Variants in CSMD2 observed in about 807,000 individuals in gnomAD.
CSMD2 encodes CUB and Sushi multiple domains 2.
In CSMD2, 130 loss-of-function variants were observed where a neutral mutation model predicts 398.5. That is an observed-to-expected ratio of 0.33 (90% CI 0.28 to 0.38). CSMD2 has a LOEUF of 0.38. CSMD2 is among the 10% of genes least tolerant of loss of function. The pLI, the probability that CSMD2 is intolerant of heterozygous loss-of-function variation, is 1.00. For synonymous variants in CSMD2, 1,828 were observed against 1,908.5 expected, an observed-to-expected ratio of 0.96 and a Z score of 1.10; for missense variants, 3,829 against 4,764.9, an observed-to-expected ratio of 0.80 and a Z score of 5.78.
At chr1:33,922,832 C>T (rs1643991499) in intron 4 of CSMD2, among the ~76,000 whole-genome samples, 1 of 152,142 alleles carries the variant, frequency 6.6e-6, no homozygotes, top group African/African-American at 2.4e-5. Context: ...TGTCACACTC[C>T]AAGTTAACCA....
At chr1:34,129,072 G>A (rs920550951) in intron 1 of CSMD2, among the ~76,000 whole-genome samples, 7 of 150,620 alleles carry the variant, frequency 4.6e-5, no homozygotes, top group African/African-American at 1.7e-4. Context: ...TCTTTAGTAC[G>A]TGGCTGCATG....
At chr1:34,127,015 C>T (rs942216262) in intron 1 of CSMD2, among the ~76,000 whole-genome samples, 18 of 151,974 alleles carry the variant, frequency 1.2e-4, no homozygotes, top group Middle Eastern at 3.4e-3. Context: ...CAGGGAGATG[C>T]AAGAGGACAG....
rs1169977873 is a variant in CSMD2, at chr1:33,742,079, G to A, written c.2173+1201C>T. ...GCAGCATGGTCAGTGCTAGACTAGG[G>A]TTAGGAAAGACAGAACTAGGATCTC... is the stretch of plus-strand genomic sequence containing the variant. On this transcript the variant is annotated intron_variant, in intron 14 of 70. Transcript: ENST00000373381. Among the ~76,000 whole-genome samples the A allele has an allele frequency of 4.6e-5, 7 of 152,232 alleles. No individual in the cohort carries two copies. The South Asian group carries it at 1.2e-3, about 27-fold the overall frequency.
At chr1:33,742,993 T>C (rs1214590300) in intron 14 of CSMD2, among the ~76,000 whole-genome samples, 1 of 152,074 alleles carries the variant, frequency 6.6e-6, no homozygotes, top group African/African-American at 2.4e-5. Context: ...TGGGGAAGGT[T>C]GGGGCAAAAA....
intron 13 of CSMD2, among the ~76,000 whole-genome samples, chr1:33,766,860 C>T (rs1183507160): frequency 6.6e-6 from 1 of 152,082 alleles, no homozygotes; most frequent in Non-Finnish European, 1.5e-5. Context: ...ATGGAAAGAC[C>T]ATACGTTTTG....
intron 5 of CSMD2, among the ~76,000 whole-genome samples, chr1:33,901,953 G>A (rs1274744428): frequency 1.3e-5 from 2 of 152,068 alleles, no homozygotes; most frequent in Non-Finnish European, 2.9e-5. Flanking sequence ...TTATCACTCT[G>A]GAAAGTATTC....
intron 67 of CSMD2, among the ~76,000 whole-genome samples, chr1:33,521,758 G>C (rs1654325478): frequency 6.6e-6 from 1 of 152,202 alleles, no homozygotes; most frequent in South Asian, 2.1e-4. Context: ...TATGAGGTAG[G>C]AGGAAGATTT....
upstream of CSMD2, chr1:34,165,780 A>G (rs201573791): frequency 6.2e-7 from 1 of 1,613,890 alleles, no homozygotes; most frequent in African/African-American, 1.3e-5. Context: ...TGAACTTGCC[A>G]TCTAGGGCCG....
chr1:33,948,073 C>T (rs1644892810), intron 3 of CSMD2, among the ~76,000 whole-genome samples: 1 of 152,136 alleles, frequency 6.6e-6, no homozygotes, highest in Non-Finnish European at 1.5e-5. Flanking sequence ...TGCTTTGAGG[C>T]TTTGTTTCCT....
intron 3 of CSMD2, among the ~76,000 whole-genome samples, chr1:33,976,361 C>T (rs74068629): frequency 0.017 from 2,602 of 152,298 alleles, 88 homozygotes; most frequent in African/African-American, 0.058. Flanking sequence ...ATCTCAGAAC[C>T]CACCTGGGGA....
At chr1:33,789,138 TC>T (rs1653914110) in intron 11 of CSMD2, among the ~76,000 whole-genome samples, 1 of 152,144 alleles carries the variant, frequency 6.6e-6, no homozygotes, top group African/African-American at 2.4e-5. Flanking sequence ...TATGTGGGTT[TC>T]CCCTCACAGA....
chr1:33,836,719 T>G (rs6677486), intron 6 of CSMD2, among the ~76,000 whole-genome samples: 119,552 of 152,104 alleles, frequency 0.79, 47,829 homozygotes, highest in East Asian at 0.94. Flanking sequence ...GAAAAGCACA[T>G]TATTAGGGTG....
intron 6 of CSMD2, among the ~76,000 whole-genome samples, chr1:33,845,739 A>G (rs528255430): frequency 9.2e-5 from 14 of 152,380 alleles, no homozygotes; most frequent in African/African-American, 3.4e-4. Flanking sequence ...ACACCACCCA[A>G]GGCTAAGTAA....
At chr1:33,787,498 C>A (rs1653677445) in intron 12 of CSMD2, among the ~76,000 whole-genome samples, 1 of 152,190 alleles carries the variant, frequency 6.6e-6, no homozygotes, top group South Asian at 2.1e-4. Flanking sequence ...CTTTCCTGAT[C>A]CCCTTTCAGA....
chr1:33,856,634 T>C (rs1303071732), intron 5 of CSMD2, among the ~76,000 whole-genome samples: 1 of 152,122 alleles, frequency 6.6e-6, no homozygotes, highest in Non-Finnish European at 1.5e-5. Flanking sequence ...TTGAGCATCA[T>C]GTATGTCCCT....
chr1:33,786,722 T>C (rs181731087), intron 12 of CSMD2, among the ~76,000 whole-genome samples: 50 of 152,330 alleles, frequency 3.3e-4, no homozygotes, highest in Non-Finnish European at 5.7e-4. Flanking sequence ...AGAACCAGGA[T>C]CTGCACTCAG....
intron 1 of CSMD2, among the ~76,000 whole-genome samples, chr1:34,146,738 T>C (rs1017831758): frequency 4.6e-5 from 7 of 152,120 alleles, no homozygotes; most frequent in Non-Finnish European, 1.0e-4. Flanking sequence ...TGCATGACTG[T>C]GAAGATGCAT....
Position 33,820,564 on chromosome 1 carries a change from GCAA to G in CSMD2, c.1112-11_1112-9del, listed in dbSNP as rs759318057. 1.8e-4 allele frequency: 88 copies of G among 479,190 alleles called. No homozygotes were observed. Among genetic ancestry groups the G allele is most frequent in the South Asian group, 4.5e-4 (9 of 20,060 alleles). The allele number at this position is 479,190 out of a possible 1,614,324, so 29.7% of individuals were successfully genotyped here. On this transcript the variant is annotated splice_polypyrimidine_tract_variant and intron_variant, in intron 7 of 70. Transcript: ENST00000373381. ...ACACACCAACCTGAGTTACTACAAG[GCAA>G]AAAAAAAAAAAAAAAAAAAAACAGC...
chr1:34,015,856 A>C (rs925521135), intron 3 of CSMD2, among the ~76,000 whole-genome samples: 3 of 152,166 alleles, frequency 2.0e-5, no homozygotes, highest in African/African-American at 7.2e-5. Context: ...AGTTCAGCCA[A>C]GCTTCTCACA....
Sources: gnomAD v4.1 joint callset for allele counts (sites outside exome capture counted in the v4.1 genomes callset) on GRCh38, gnomAD v4.1.1 for gene constraint, MANE v1.5 for transcripts, NCBI Gene and HGNC (gene_info 2026-07-23, HGNC 2026-07-21) for gene names.